The following APLP2 variants were observed in gnomAD, a reference collection of about 807,000 sequenced individuals.
The protein encoded by APLP2 is CDEI box-binding protein.
A neutral mutation model predicts 89.9 loss-of-function variants in APLP2; 53 were observed. That is an observed-to-expected ratio of 0.59 (90% CI 0.47 to 0.74). The LOEUF (loss-of-function observed/expected upper bound fraction) is 0.74. APLP2 is among the 30% of genes least tolerant of loss of function. The probability of loss-of-function intolerance (pLI) is 0.00; values close to 1 mark genes in which losing one functional copy is unlikely to be tolerated. For synonymous variants in APLP2, 372 were observed against 348.6 expected (o/e 1.07, Z -0.75); for missense variants, 973 against 975.9 (o/e 1.00, Z 0.04).
intron 2 of APLP2, 46 bp downstream of exon 2, chr11:130,109,648 G>A: frequency 6.4e-7 from 1 of 1,565,810 alleles, no homozygotes; most frequent in African/African-American, 1.4e-5. Flanking sequence ...TTCTGGGGCA[G>A]GGTTGAATCT....
chr11:130,116,742 GATTACAGGC>G (rs1188531464), intron 3 of APLP2, among the ~76,000 whole-genome samples: 1 of 152,072 alleles, frequency 6.6e-6, no homozygotes, highest in African/African-American at 2.4e-5. Flanking sequence ...AAAGTGCTGG[GATTACAGGC>G]ATGAGCCCCT....
At chr11:130,076,483 G>A (rs956215595) in intron 1 of APLP2, among the ~76,000 whole-genome samples, 2 of 152,140 alleles carry the variant, frequency 1.3e-5, no homozygotes, top group African/African-American at 4.8e-5. Context: ...ACGGTTCCCT[G>A]TAGAGATTTT....
intron 1 of APLP2, among the ~76,000 whole-genome samples, chr11:130,092,286 C>A (rs1284336517): frequency 7.4e-6 from 1 of 135,516 alleles, no homozygotes; most frequent in East Asian, 2.4e-4. Flanking sequence ...GATGGGCGGC[C>A]AGGCAGAGAC....
chr11:130,101,114 A>C (rs1468112181), intron 1 of APLP2, among the ~76,000 whole-genome samples: 5 of 148,382 alleles, frequency 3.4e-5, no homozygotes, highest in African/African-American at 5.2e-5. Context: ...ATTGCAGAAA[A>C]ATAGAATTTA....
intron 16 of APLP2, among the ~76,000 whole-genome samples, chr11:130,143,146 C>A (rs776023046): frequency 4.6e-5 from 7 of 152,152 alleles, no homozygotes; most frequent in Non-Finnish European, 5.9e-5. Flanking sequence ...GCTCTCGTTT[C>A]GAAAGCATTG....
At chr11:130,116,427 T>TA (rs1392316883) in intron 3 of APLP2, among the ~76,000 whole-genome samples, 1 of 152,238 alleles carries the variant, frequency 6.6e-6, no homozygotes, top group Non-Finnish European at 1.5e-5. Context: ...TTGATATTAA[T>TA]AACACTAATG....
At chr11:130,096,406 A>T (rs7944503) in intron 1 of APLP2, among the ~76,000 whole-genome samples, 9,059 of 152,246 alleles carry the variant, frequency 0.06, 281 homozygotes, top group Non-Finnish European at 0.073. Flanking sequence ...CCCAGTGCCC[A>T]CCTGACAAGT....
At chr11:130,111,031 C>T (rs1344133399) in intron 3 of APLP2, among the ~76,000 whole-genome samples, 1 of 152,092 alleles carries the variant, frequency 6.6e-6, no homozygotes, top group Non-Finnish European at 1.5e-5. Context: ...TACTTTCATC[C>T]CACACACGTT....
chr11:130,130,179 T>C lies in APLP2; in HGVS notation c.1584+13T>C, dbSNP rs181210088. ...GATGAAATCCCAGGTACAGTAGATG[T>C]AGTAGAAATTGCTGCCGTGAGGGCA... On this transcript the variant is annotated intron_variant, in intron 11 of 16. Transcript: ENST00000338167. 4 of 1,614,222 alleles carry C rather than the reference T, an allele frequency of 2.5e-6. No homozygotes were observed. Among genetic ancestry groups the C allele is most frequent in the Admixed American group, 3.3e-5 (2 of 60,032 alleles).
intron 1 of APLP2, among the ~76,000 whole-genome samples, chr11:130,099,398 A>G (rs1169401630): frequency 6.6e-6 from 1 of 152,256 alleles, no homozygotes; most frequent in Non-Finnish European, 1.5e-5. Context: ...TAAGGTCAAG[A>G]GAGATTAAAT....
intron 1 of APLP2, among the ~76,000 whole-genome samples, chr11:130,085,644 A>G (rs1943993640): frequency 1.3e-5 from 2 of 152,278 alleles, no homozygotes; most frequent in South Asian, 4.1e-4. Flanking sequence ...ATTCGGTGGC[A>G]TTAAGGACAT....
intron 1 of APLP2, among the ~76,000 whole-genome samples, chr11:130,079,867 A>G (rs1379417010): frequency 2.0e-5 from 3 of 152,254 alleles, no homozygotes; most frequent in East Asian, 1.9e-4. Context: ...GGTAGATACC[A>G]GACCCTTTAT....
rs541781240 is a variant in APLP2 at position 130,130,093 on chromosome 11, G to T, written c.1511G>T (p.Arg504Leu). Residue 504 changes from arginine (R) to leucine (L), a missense_variant, in exon 11 of 17, where the codon CGC (arginine) becomes CTC (leucine). By Grantham distance (102) the Arg-to-Leu change is moderately radical. Transcript: ENST00000338167. ...TATGTCCGTGCTGAGAACAAAGATC[G>T]CTTACATACCATCCGTCATTACCAG... ...RRYVRAENKD[R>L]LHTIRHYQHV... The T allele has an allele frequency of 6.4e-5, 103 of 1,614,058 alleles. No individual in the cohort carries two copies. The highest frequency in any genetic ancestry group is 8.4e-5 in the Non-Finnish European group (99 of 1,180,028).
At chr11:130,070,147 C>T (rs982754936) in intron 1 of APLP2, 65 bp downstream of exon 1, 38 of 1,135,396 alleles carry the variant, frequency 3.3e-5, no homozygotes, top group Non-Finnish European at 4.2e-5. Context: ...GGACTGCGGG[C>T]GGGCAGCGGG....
Position 130,143,501 on chromosome 11 carries a change from C to G in APLP2, c.*53C>G, listed in dbSNP as rs550812010. The G allele has an allele frequency of 1.2e-5, 17 of 1,468,718 alleles. No homozygotes were observed. The African/African-American group carries it at 1.7e-4, about 14-fold the overall frequency. 91.0% of individuals were successfully genotyped at this position (1,468,718 alleles called of 1,614,324 possible). A position where few individuals can be genotyped will look rare whatever the true frequency, so the allele number is the denominator to read the frequency against. ...GAGGGATGCAGGTGGGCCGGAAGAT[C>G]CCACGATTCCGATCGACTGCCAAGC... On this transcript the variant is annotated 3_prime_UTR_variant, in exon 17 of 17. Transcript: ENST00000338167.
chr11:130,098,419 G>A (rs951284697), intron 1 of APLP2, among the ~76,000 whole-genome samples: 1 of 149,910 alleles, frequency 6.7e-6, no homozygotes, highest in Non-Finnish European at 1.5e-5. Context: ...AAAAAAAAAA[G>A]ATGTTTTCAG....
At chr11:130,122,845 C>G (rs561770233) in intron 6 of APLP2, among the ~76,000 whole-genome samples, 10 of 152,318 alleles carry the variant, frequency 6.6e-5, no homozygotes, top group African/African-American at 2.4e-4. Flanking sequence ...CGATACCACT[C>G]AAGTTCTGGC....
intron 1 of APLP2, chr11:130,101,835 T>G: frequency 2.3e-6 from 1 of 426,708 alleles, no homozygotes; most frequent in Non-Finnish European, 4.7e-6. Flanking sequence ...CTTATTCAAA[T>G]AATTGCTGCA....
intron 3 of APLP2, among the ~76,000 whole-genome samples, chr11:130,111,613 A>G (rs11221964): frequency 0.097 from 14,824 of 152,236 alleles, 1,073 homozygotes; most frequent in African/African-American, 0.19. Flanking sequence ...GTGCCCCTGA[A>G]CAACAGTGTT....
Sources: gnomAD v4.1 joint callset for allele counts (sites outside exome capture counted in the v4.1 genomes callset) on GRCh38, gnomAD v4.1.1 for gene constraint, MANE v1.5 for transcripts, NCBI Gene and HGNC (gene_info 2026-07-23, HGNC 2026-07-21) for gene names.